Variants in GHR observed in about 807,000 individuals in gnomAD.
GHR encodes growth hormone receptor, also known as GH receptor.
Under a neutral mutation model 67.1 loss-of-function variants are expected in GHR, and 35 were observed. That is an observed-to-expected ratio of 0.52 (90% CI 0.40 to 0.69). The LOEUF is 0.69. Ranked by LOEUF, GHR falls within the 30% of genes least tolerant of loss-of-function variation. The probability of loss-of-function intolerance (pLI) is 0.00; values close to 1 mark genes in which losing one functional copy is unlikely to be tolerated. For synonymous variants in GHR, 272 were observed against 269.1 expected, an observed-to-expected ratio of 1.01 and a Z score of -0.10; for missense variants, 792 against 764.6, an observed-to-expected ratio of 1.04 and a Z score of -0.42.
intron 1 of GHR, among the ~76,000 whole-genome samples, chr5:42,483,591 T>C (rs2972418): frequency 0.51 from 77,525 of 151,980 alleles, 20,763 homozygotes; most frequent in African/African-American, 0.64. Context: ...GGAAGTCATG[T>C]ATGTTATCAA....
chr5:42,472,037 T>C (rs1745032979), intron 1 of GHR, among the ~76,000 whole-genome samples: 1 of 152,218 alleles, frequency 6.6e-6, no homozygotes, highest in Non-Finnish European at 1.5e-5. Flanking sequence ...GTGCAGAAAG[T>C]GATTAAAATG....
At chr5:42,549,575 T>C (rs1284942440) in intron 1 of GHR, 2 of 558,926 alleles carry the variant, frequency 3.6e-6, no homozygotes, top group African/African-American at 2.0e-5. Context: ...GTAGCAAAGA[T>C]GGATTAAGTG....
rs548977955 is a variant in GHR, at chr5:42,591,508, C to A, written c.70+25564C>A. ...AAGAAGAGCTGGTATTTCCCACTAT[C>A]CTGCAGGGGTGGGGAAATCTATCAA... On this transcript the variant is annotated intron_variant, in intron 2 of 9. Transcript: ENST00000230882. Among the ~76,000 whole-genome samples, 13 of 152,310 alleles carry A rather than the reference C, an allele frequency of 8.5e-5. No individual in the cohort carries two copies. In the East Asian group the frequency reaches 2.3e-3, roughly 27 times the overall value.
intron 1 of GHR, among the ~76,000 whole-genome samples, chr5:42,451,838 G>A (rs1281689533): frequency 6.6e-6 from 1 of 152,106 alleles, no homozygotes; most frequent in Non-Finnish European, 1.5e-5. Context: ...CGGATACTTG[G>A]TTGTCGGATT....
At chr5:42,655,700 A>G (rs1459685564) in intron 3 of GHR, among the ~76,000 whole-genome samples, 1 of 152,088 alleles carries the variant, frequency 6.6e-6, no homozygotes. Flanking sequence ...TTAATATAAA[A>G]TATAAAATTG....
At chr5:42,649,147 T>C (rs992409998) in intron 3 of GHR, among the ~76,000 whole-genome samples, 8 of 152,198 alleles carry the variant, frequency 5.3e-5, no homozygotes, top group Admixed American at 3.3e-4. Flanking sequence ...TGTGGGATTT[T>C]TGGACAAGCT....
At chr5:42,534,498 AT>A (rs928265040) in intron 1 of GHR, among the ~76,000 whole-genome samples, 5 of 143,040 alleles carry the variant, frequency 3.5e-5, no homozygotes, top group Admixed American at 3.4e-4. Flanking sequence ...ATGTATGTAT[AT>A]ATGTACATAT....
At chr5:42,579,140 T>TAGA (rs373298354) in intron 2 of GHR, among the ~76,000 whole-genome samples, 3 of 59,924 alleles carry the variant, frequency 5.0e-5, no homozygotes, top group South Asian at 4.7e-4. Context: ...GATAGATAGA[T>TAGA]GATAGATAGA....
chr5:42,553,820 G>A (rs1749163991), intron 1 of GHR, among the ~76,000 whole-genome samples: 1 of 152,072 alleles, frequency 6.6e-6, no homozygotes, highest in South Asian at 2.1e-4. Context: ...ATCTATACAA[G>A]TGTATTCTTT....
chr5:42,592,757 A>G (rs1751856307), intron 2 of GHR, among the ~76,000 whole-genome samples: 2 of 152,146 alleles, frequency 1.3e-5, no homozygotes, highest in African/African-American at 2.4e-5. Flanking sequence ...AGAGCAGTTT[A>G]TATTCCTTGG....
At chr5:42,694,166 G>A (rs1423351546) in intron 4 of GHR, among the ~76,000 whole-genome samples, 2 of 152,158 alleles carry the variant, frequency 1.3e-5, no homozygotes, top group East Asian at 3.8e-4. Flanking sequence ...ACCCTAGAGA[G>A]CACTACTAAT....
chr5:42,664,041 A>G lies in GHR; in HGVS notation c.137-24849A>G, dbSNP rs1038158035. Reference sequence around the variant, plus strand: ...ACTAGGAATCCAACTTACAAGGGACATGAAGGACCTCTTCAAGGAGAACTA... The same window carrying G: ...ACTAGGAATCCAACTTACAAGGGACGTGAAGGACCTCTTCAAGGAGAACTA... On this transcript the variant is annotated intron_variant, in intron 3 of 9. Transcript: ENST00000230882. Among the ~76,000 whole-genome samples the G allele has an allele frequency of 5.8e-4, 88 of 152,264 alleles. 1 individual carries two copies. Among genetic ancestry groups the G allele is most frequent in the Admixed American group, 1.0e-3 (16 of 15,280 alleles).
At chr5:42,573,087 A>C (rs1272290008) in intron 2 of GHR, among the ~76,000 whole-genome samples, 1 of 152,178 alleles carries the variant, frequency 6.6e-6, no homozygotes, top group African/African-American at 2.4e-5. Context: ...AAAATCCATG[A>C]AGGATATTTT....
In GHR at chr5:42,468,169, C is replaced by T. The variant is rs545833066; in HGVS notation, c.-12+44214C>T. The T allele has an allele frequency of 1.7e-5, 23 of 1,356,344 alleles. 1 individual carries two copies. Among genetic ancestry groups the T allele is most frequent in the South Asian group, 9.3e-5 (8 of 85,568 alleles). The allele number at this position is 1,356,344 out of a possible 1,614,324, so 84.0% of individuals were successfully genotyped here. On this transcript the variant is annotated intron_variant, in intron 1 of 9. Coordinates refer to ENST00000230882, the MANE Select transcript of GHR (RefSeq NM_000163.5). Reference sequence around the variant, plus strand: ...TTCTGATCCATCAAGGCCTGTCTGACGAAACTCCCCTGGGGCCCAGACTTT... The same window carrying T: ...TTCTGATCCATCAAGGCCTGTCTGATGAAACTCCCCTGGGGCCCAGACTTT...
intron 2 of GHR, among the ~76,000 whole-genome samples, chr5:42,593,225 T>C (rs1024592385): frequency 5.3e-5 from 8 of 152,244 alleles, no homozygotes; most frequent in Non-Finnish European, 1.2e-4. Context: ...GTACTATATC[T>C]CATAAATCTA....
chr5:42,499,986 C>T (rs1746473685), intron 1 of GHR, among the ~76,000 whole-genome samples: 1 of 152,160 alleles, frequency 6.6e-6, no homozygotes, highest in Admixed American at 6.5e-5. Flanking sequence ...TCCACCCTCC[C>T]TTCCCCTCCC....
intron 1 of GHR, among the ~76,000 whole-genome samples, chr5:42,504,796 T>C (rs1318935369): frequency 6.6e-6 from 1 of 152,066 alleles, no homozygotes; most frequent in Non-Finnish European, 1.5e-5. Context: ...AGGTATGAAG[T>C]CTTTTCCAAG....
rs549588958 is a variant in GHR at position 42,477,381 on chromosome 5, C to T, written c.-12+53426C>T. ...CTTTATAGCAGCATGATTTATAATCCTTTGGGTATATACCCCAGTAATGGG... is the reference window on the plus strand; with the variant it reads ...CTTTATAGCAGCATGATTTATAATCTTTTGGGTATATACCCCAGTAATGGG... On this transcript the variant is annotated intron_variant, in intron 1 of 9. Transcript: ENST00000230882. Among the ~76,000 whole-genome samples, 6 of 152,216 alleles carry T rather than the reference C, an allele frequency of 3.9e-5. No homozygotes were observed. In the South Asian group the frequency reaches 1.2e-3, roughly 32 times the overall value.
At chr5:42,490,430 C>T (rs1438698548) in intron 1 of GHR, among the ~76,000 whole-genome samples, 1 of 152,214 alleles carries the variant, frequency 6.6e-6, no homozygotes, top group East Asian at 1.9e-4. Context: ...GACAGCTGGG[C>T]TGGCCTTCAT....
Sources: allele counts gnomAD v4.1 joint callset (sites outside exome capture counted in the v4.1 genomes callset), GRCh38; gene constraint gnomAD v4.1.1; transcripts MANE v1.5; gene names NCBI Gene and HGNC (gene_info 2026-07-23, HGNC 2026-07-21).